EFR3B: variants seen among roughly 807,000 people sequenced by gnomAD.
The protein encoded by EFR3B is protein EFR3 homolog B.
EFR3B carries 64 observed loss-of-function variants against 104.7 expected under a neutral mutation model. The observed-to-expected ratio is 0.61, with a 90% CI of 0.50 to 0.75. The LOEUF (loss-of-function observed/expected upper bound fraction) is 0.75. Among genes scored for constraint, EFR3B ranks in the 30% least tolerant of loss-of-function variants. The probability of loss-of-function intolerance (pLI) is 0.00; values close to 1 mark genes in which losing one functional copy is unlikely to be tolerated. For synonymous variants in EFR3B, 385 were observed against 417.9 expected (o/e 0.92, Z 0.96); for missense variants, 750 against 1,078.5 (o/e 0.70, Z 4.27).
chr2:25,123,724 C>G (rs1670083629), intron 5 of EFR3B, among the ~76,000 whole-genome samples: 1 of 152,260 alleles, frequency 6.6e-6, no homozygotes, highest in African/African-American at 2.4e-5. Flanking sequence ...ACACATGCTG[C>G]CCACGCAGGC....
intron 1 of EFR3B, among the ~76,000 whole-genome samples, chr2:25,076,640 T>C (rs767949475): frequency 1.3e-5 from 2 of 152,182 alleles, no homozygotes; most frequent in Admixed American, 6.5e-5. Flanking sequence ...TGGAAAAACA[T>C]TCTGTTCATT....
In EFR3B at chr2:25,136,488, CAAGGGCT is replaced by C; in HGVS notation, c.1485-30_1485-24del. The C allele has an allele frequency of 6.5e-7, 1 of 1,530,530 alleles. No homozygotes were observed. Among genetic ancestry groups the C allele is most frequent in the South Asian group, 1.2e-5 (1 of 83,622 alleles). 94.8% of individuals were successfully genotyped at this position (1,530,530 alleles called of 1,614,324 possible). ...CGTGTGAGCTCAGGCTGGCCTCATG[CAAGGGCT>C]AAGGAGGCCCTTTGCATCCCTTCCC... is the stretch of plus-strand genomic sequence containing the variant. On this transcript the variant is annotated intron_variant, in intron 13 of 22. Coordinates refer to ENST00000403714, the MANE Select transcript of EFR3B (RefSeq NM_014971.2). This position sits in a 1 kb window ranked among gnomAD's most constrained non-coding sequence, Gnocchi z 4.0.
chr2:25,140,283 G>A (rs2149209800), intron 16 of EFR3B, among the ~76,000 whole-genome samples: 1 of 149,310 alleles, frequency 6.7e-6, no homozygotes, highest in Non-Finnish European at 1.5e-5. Context: ...CCCCAGCCTG[G>A]GTGACAGAGC....
intron 17 of EFR3B, 91 bp downstream of exon 17, chr2:25,141,524 G>A (rs1670665787): frequency 8.7e-6 from 12 of 1,382,044 alleles, no homozygotes; most frequent in South Asian, 5.4e-5. Flanking sequence ...TCAATGCCAG[G>A]AGGCTCAGAC....
At chr2:25,048,478 C>T (rs1296272445) in intron 1 of EFR3B, among the ~76,000 whole-genome samples, 4 of 152,180 alleles carry the variant, frequency 2.6e-5, no homozygotes, top group African/African-American at 7.2e-5. Context: ...TTCTGAATTA[C>T]AGCCCCTGGA....
Position 25,137,215 on chromosome 2 carries a change from C to A in EFR3B, c.1561-126C>A. The stretch of plus-strand genomic sequence containing the variant: ...CCAGAGCCCGCTTTAAAGGCATCCC[C>A]TCCCCAAGGGAGGAGGGGGCACACA... On this transcript the variant is annotated intron_variant, in intron 14 of 22. Transcript: ENST00000403714. This position sits in a 1 kb window ranked among gnomAD's most constrained non-coding sequence, Gnocchi z 4.7. 1 of 1,124,806 alleles carries A rather than the reference C, an allele frequency of 8.9e-7. No individual in the cohort carries two copies. Among genetic ancestry groups the A allele is most frequent in the Non-Finnish European group, 1.3e-6 (1 of 797,550 alleles). The allele number at this position is 1,124,806 out of a possible 1,614,324, so 69.7% of individuals were successfully genotyped here.
At position 25,042,086 on chromosome 2, in the gene EFR3B, A is replaced by C. The variant is rs1343087561; in HGVS notation, c.-227A>C. ...CCGCCCCCTGCGCGCAGCAGTGCCC[A>C]GCAACCCGAGCGGAGGCGGCCGCTG... On this transcript the variant is annotated 5_prime_UTR_variant, in exon 1 of 23. Coordinates refer to ENST00000403714, the MANE Select transcript of EFR3B (RefSeq NM_014971.2). This position sits in a 1 kb window ranked among gnomAD's most constrained non-coding sequence, Gnocchi z 5.4. The C allele has an allele frequency of 3.3e-6, 1 of 299,984 alleles. No homozygotes were observed. The highest frequency in any genetic ancestry group is 6.0e-6 in the Non-Finnish European group (1 of 167,098). 18.6% of individuals were successfully genotyped at this position (299,984 alleles called of 1,614,324 possible). A position where few individuals can be genotyped will look rare whatever the true frequency, so the allele number is the denominator to read the frequency against.
At chr2:25,125,545 T>G (rs1247294013) in intron 5 of EFR3B, among the ~76,000 whole-genome samples, 1 of 152,198 alleles carries the variant, frequency 6.6e-6, no homozygotes, top group Non-Finnish European at 1.5e-5. Context: ...CCATCGCCAG[T>G]GGCCCTAAAA....
intron 1 of EFR3B, among the ~76,000 whole-genome samples, chr2:25,073,732 G>A (rs1354638849): frequency 6.6e-6 from 1 of 152,074 alleles, no homozygotes; most frequent in African/African-American, 2.4e-5. Flanking sequence ...GGCAAGCTTA[G>A]GTTCTGAAAC....
chr2:25,145,944 C>A (rs1328638942), intron 19 of EFR3B: 1 of 152,082 alleles, frequency 6.6e-6, no homozygotes, highest in East Asian at 1.9e-4. Flanking sequence ...TCGCCCTCAG[C>A]GTTGTACATT....
intron 1 of EFR3B, among the ~76,000 whole-genome samples, chr2:25,083,983 A>G (rs753527418): frequency 2.0e-5 from 3 of 152,138 alleles, no homozygotes; most frequent in Non-Finnish European, 2.9e-5. Context: ...CTCTGTGACA[A>G]CTGTAACCTA....
In EFR3B at chr2:25,151,987, C is replaced by G; in HGVS notation, c.2265C>G (p.Pro755=). 3 of 1,551,678 alleles carry G rather than the reference C, an allele frequency of 1.9e-6. No homozygotes were observed. The highest frequency in any genetic ancestry group is 2.0e-5 in the Admixed American group (1 of 50,996). The change falls in exon 21 of 23, where the codon CCC becomes CCG. Residue 755 remains proline (P), a synonymous_variant. Transcript: ENST00000403714. ...TGGTGGAGAAGTTCCAGAAGGCACC[C>G]TTCGAGGAGATTGCTGCACACTGCG... ...RQVVEKFQKA[P]FEEIAAHCGA...
intron 1 of EFR3B, among the ~76,000 whole-genome samples, chr2:25,048,204 G>C (rs1667774361): frequency 6.6e-6 from 1 of 151,970 alleles, no homozygotes; most frequent in Non-Finnish European, 1.5e-5. Flanking sequence ...TTGTAGGATG[G>C]GGTCCCGCTA....
At chr2:25,087,063 G>A (rs149089355) in intron 1 of EFR3B, among the ~76,000 whole-genome samples, 16 of 152,190 alleles carry the variant, frequency 1.1e-4, no homozygotes, top group Non-Finnish European at 1.2e-4. Flanking sequence ...TTACAATTAC[G>A]GCAGAAGGGG....
At chr2:25,110,492 T>A (rs1382200402) in intron 4 of EFR3B, among the ~76,000 whole-genome samples, 2 of 152,244 alleles carry the variant, frequency 1.3e-5, no homozygotes, top group East Asian at 3.9e-4. Flanking sequence ...ATGGGGGCTG[T>A]CCCAGGGGGC....
intron 6 of EFR3B, among the ~76,000 whole-genome samples, chr2:25,129,451 G>C (rs1361154010): frequency 1.4e-5 from 2 of 142,314 alleles, no homozygotes; most frequent in East Asian, 4.2e-4. Context: ...TCTCTGGGCT[G>C]GGAGTCCTCC....
chr2:25,122,936 G>A (rs1056022324), intron 5 of EFR3B, among the ~76,000 whole-genome samples: 1 of 152,146 alleles, frequency 6.6e-6, no homozygotes, highest in African/African-American at 2.4e-5. Flanking sequence ...GTGAATAACA[G>A]AATGAATGAA....
intron 19 of EFR3B, chr2:25,147,556 G>A (rs537063164): frequency 2.0e-5 from 3 of 152,272 alleles, no homozygotes; most frequent in African/African-American, 7.2e-5. Context: ...GTATGCCCAC[G>A]CAACCACGCC....
chr2:25,106,381 C>T (rs1174596115), intron 4 of EFR3B, among the ~76,000 whole-genome samples: 2 of 152,028 alleles, frequency 1.3e-5, no homozygotes, highest in African/African-American at 2.4e-5. Flanking sequence ...CCTCCGCCTC[C>T]GAGGTTCAAG....
Sources: gnomAD v4.1 joint callset for allele counts (sites outside exome capture counted in the v4.1 genomes callset) on GRCh38, gnomAD v4.1.1 for gene constraint, Gnocchi (gnomAD v3.1) non-coding constraint, MANE v1.5 for transcripts, NCBI Gene and HGNC (gene_info 2026-07-23, HGNC 2026-07-21) for gene names.